Variants in HLCS observed in about 807,000 individuals in gnomAD.
HLCS encodes holocarboxylase synthetase.
Under a neutral mutation model 75.0 loss-of-function variants are expected in HLCS, and 53 were observed. That is an observed-to-expected ratio of 0.71 (90% confidence interval 0.57 to 0.89). The LOEUF (loss-of-function observed/expected upper bound fraction) is 0.89, where lower values mean the gene tolerates loss of function less well. HLCS is among the 40% of genes least tolerant of loss of function. HLCS has a pLI of 0.00. For synonymous variants in HLCS, 431 were observed against 428.6 expected, an observed-to-expected ratio of 1.01 and a Z score of -0.07; for missense variants, 966 against 1,074.0, an observed-to-expected ratio of 0.90 and a Z score of 1.41.
Position 36,851,255 on chromosome 21 carries a change from T to C in HLCS, c.1892+45605A>G, listed in dbSNP as rs967824618. ...CATGTTTATTGCAGCCTATTCACAG[T>C]AGCCAAGACCTGGGAGCAACCTAAG... is the stretch of plus-strand genomic sequence containing the variant. On this transcript the variant is annotated intron_variant, in intron 6 of 10. Transcript: ENST00000674895. Among the ~76,000 whole-genome samples the C allele has an allele frequency of 2.6e-5, 4 of 152,200 alleles. No individual in the cohort carries two copies. The South Asian group carries it at 8.3e-4, about 32-fold the overall frequency.
rs766589766 is a variant in HLCS at position 36,754,212 on chromosome 21, C to A, written c.*34G>T. The stretch of plus-strand genomic sequence containing the variant: ...AATTAGATTTCCAGATGCATGGGCA[C>A]GGACAGGCAGCCGCGTCTCGGGGAC... On this transcript the variant is annotated 3_prime_UTR_variant, in exon 11 of 11. Coordinates refer to ENST00000674895, the MANE Select transcript of HLCS (RefSeq NM_001352514.2). The A allele has an allele frequency of 2.8e-5, 45 of 1,608,818 alleles. No homozygotes were observed. Among genetic ancestry groups the A allele is most frequent in the Non-Finnish European group, 3.5e-5 (41 of 1,176,576 alleles).
intron 6 of HLCS, among the ~76,000 whole-genome samples, chr21:36,819,648 C>T (rs1000588524): frequency 6.6e-6 from 1 of 152,034 alleles, no homozygotes; most frequent in Non-Finnish European, 1.5e-5. Context: ...CCTCACAATC[C>T]TTTGGGCAGG....
At chr21:36,906,049 C>CAAAAAAAAA (rs71328521) in intron 5 of HLCS, among the ~76,000 whole-genome samples, 5 of 92,866 alleles carry the variant, frequency 5.4e-5, no homozygotes, top group Non-Finnish European at 4.4e-5. Context: ...GACTCCATCT[C>CAAAAAAAAA]AAAAAAAAAA....
intron 2 of HLCS, among the ~76,000 whole-genome samples, chr21:36,940,107 T>C (rs1044968913): frequency 6.6e-6 from 1 of 152,024 alleles, no homozygotes; most frequent in African/African-American, 2.4e-5. Flanking sequence ...GATCAAAGAG[T>C]ATACGTAATG....
intron 5 of HLCS, among the ~76,000 whole-genome samples, chr21:36,927,016 G>A (rs2066438653): frequency 6.6e-6 from 1 of 152,230 alleles, no homozygotes; most frequent in Admixed American, 6.5e-5. Context: ...AAGGCATTGG[G>A]ATTACAGGCT....
At chr21:36,794,768 A>G (rs1337695939) in intron 6 of HLCS, among the ~76,000 whole-genome samples, 1 of 152,148 alleles carries the variant, frequency 6.6e-6, no homozygotes. Flanking sequence ...ACATTTTGAA[A>G]GTGGAACAAA....
intron 6 of HLCS, among the ~76,000 whole-genome samples, chr21:36,855,304 G>A (rs923941382): frequency 1.3e-5 from 2 of 152,040 alleles, no homozygotes; most frequent in African/African-American, 4.8e-5. Flanking sequence ...GCCAAAGCGG[G>A]TGGATTGCCT....
At position 36,802,807 on chromosome 21, in the gene HLCS, C is replaced by G. The variant is rs144893929; in HGVS notation, c.1893-35522G>C. ...CCATAAAAAAGGCACGATCCCCACA[C>G]AATTCAACGGAACAGCCTGAGAGCA... On this transcript the variant is annotated intron_variant, in intron 6 of 10. Transcript: ENST00000674895. Among the ~76,000 whole-genome samples, 917 of 152,298 alleles carry G rather than the reference C, an allele frequency of 6.0e-3. 2 individuals are homozygous for G. Among genetic ancestry groups the G allele is most frequent in the South Asian group, 0.031 (150 of 4,826 alleles).
chr21:36,926,956 G>T (rs1376526872), intron 5 of HLCS, among the ~76,000 whole-genome samples: 1 of 152,064 alleles, frequency 6.6e-6, no homozygotes, highest in Non-Finnish European at 1.5e-5. Flanking sequence ...AGGTTGCCCA[G>T]GCTGGTCTCG....
rs534011140 is a variant in HLCS, at chr21:36,870,612, G to C, written c.1892+26248C>G. On this transcript the variant is annotated intron_variant, in intron 6 of 10. Coordinates refer to ENST00000674895, the MANE Select transcript of HLCS (RefSeq NM_001352514.2). ...TCATCTCAGCTTTCCAGTGAGAAGT[G>C]ATTGTTTCGGAATCATAGTTACAAG... is the stretch of plus-strand genomic sequence containing the variant. Among the ~76,000 whole-genome samples the C allele has an allele frequency of 6.6e-5, 10 of 152,298 alleles. No homozygotes were observed. The South Asian group carries it at 2.1e-3, about 32-fold the overall frequency.
chr21:36,928,319 A>T (rs548669409), intron 5 of HLCS, among the ~76,000 whole-genome samples: 4 of 152,346 alleles, frequency 2.6e-5, no homozygotes, highest in African/African-American at 9.6e-5. Flanking sequence ...CTGTAATCCC[A>T]ACACTTTGGA....
intron 6 of HLCS, among the ~76,000 whole-genome samples, chr21:36,833,378 A>G (rs1220833653): frequency 1.3e-5 from 2 of 150,448 alleles, no homozygotes; most frequent in African/African-American, 2.4e-5. Context: ...TGAGGTCAGG[A>G]GTTCAAGACC....
chr21:36,797,908 C>T (rs1368037726), intron 6 of HLCS, among the ~76,000 whole-genome samples: 2 of 152,138 alleles, frequency 1.3e-5, no homozygotes, highest in South Asian at 2.1e-4. Context: ...ACCAAGTAGG[C>T]TTACGTTCTG....
At chr21:36,836,091 G>A (rs984722269) in intron 6 of HLCS, among the ~76,000 whole-genome samples, 1 of 151,946 alleles carries the variant, frequency 6.6e-6, no homozygotes, top group Non-Finnish European at 1.5e-5. Flanking sequence ...CGGTTTGCTT[G>A]TATTCGTAGC....
chr21:36,958,436 G>A (rs1200813562), intron 2 of HLCS, among the ~76,000 whole-genome samples: 1 of 152,146 alleles, frequency 6.6e-6, no homozygotes, highest in East Asian at 1.9e-4. Flanking sequence ...TCGTTCTCTA[G>A]TTACTAGAAA....
chr21:36,762,007 A>T (rs904188418), intron 8 of HLCS, among the ~76,000 whole-genome samples: 1 of 152,270 alleles, frequency 6.6e-6, no homozygotes, highest in Non-Finnish European at 1.5e-5. Flanking sequence ...GTTCTCACGC[A>T]GGTAAACAGG....
Position 36,804,220 on chromosome 21 carries a change from C to T in HLCS, c.1893-36935G>A, listed in dbSNP as rs530479529. On this transcript the variant is annotated intron_variant, in intron 6 of 10. Coordinates refer to ENST00000674895, the MANE Select transcript of HLCS (RefSeq NM_001352514.2). The stretch of plus-strand genomic sequence containing the variant: ...GTTCCTCTTGGCTGGTCCCTGGGTT[C>T]AATGCAACGCTCCCAGCAGGTACGG... The T allele has an allele frequency of 2.0e-5, 3 of 152,394 alleles. No homozygotes were observed. In the South Asian group the frequency reaches 6.2e-4, roughly 32 times the overall value. The allele number at this position is 152,394 out of a possible 1,614,324, so 9.4% of individuals were successfully genotyped here.
intron 8 of HLCS, among the ~76,000 whole-genome samples, chr21:36,762,053 T>A (rs1350858487): frequency 6.6e-6 from 1 of 152,238 alleles, no homozygotes; most frequent in Non-Finnish European, 1.5e-5. Context: ...GACTGTGTGC[T>A]CATTTTTCAT....
At position 36,760,602 on chromosome 21, in the gene HLCS, T is replaced by C. The variant is rs1487545311; in HGVS notation, c.2122-761A>G. Among the ~76,000 whole-genome samples, 4 of 146,728 alleles carry C rather than the reference T, an allele frequency of 2.7e-5. 1 individual carries two copies. The highest frequency in any genetic ancestry group is 3.0e-5 in the Non-Finnish European group (2 of 66,836). The stretch of plus-strand genomic sequence containing the variant: ...TCCAGCCCAGGTGACAGGGCGAGAC[T>C]CTGTCTCAAAAAAAAAAAAAAAAGA... On this transcript the variant is annotated intron_variant, in intron 8 of 10. Transcript: ENST00000674895.
Sources: gnomAD v4.1 joint callset for allele counts (sites outside exome capture counted in the v4.1 genomes callset) on GRCh38, gnomAD v4.1.1 for gene constraint, MANE v1.5 for transcripts, NCBI Gene and HGNC (gene_info 2026-07-23, HGNC 2026-07-21) for gene names.